DRC9: variants seen among roughly 807,000 people sequenced by gnomAD.
DRC9 encodes dynein regulatory complex protein 9.
the DRC9 span, among the ~76,000 whole-genome samples, chr3:197,909,830 C>G: frequency 1.3e-5 from 2 of 151,874 alleles, no homozygotes; most frequent in African/African-American, 4.8e-5. Context: ...CCATCTCTAC[C>G]AAAAATACAA....
the DRC9 span, among the ~76,000 whole-genome samples, chr3:197,902,187 C>T: frequency 2.4e-4 from 37 of 152,182 alleles, no homozygotes; most frequent in Admixed American, 2.0e-3. Context: ...TAATGAGGTA[C>T]GGCTTAGACC....
chr3:197,945,870 T>C, the DRC9 span, among the ~76,000 whole-genome samples: 3 of 152,224 alleles, frequency 2.0e-5, no homozygotes, highest in Non-Finnish European at 4.4e-5. Context: ...TGCAGGTCTA[T>C]GAAGAAGTCA....
chr3:197,958,652 C>T, the DRC9 span: 1 of 152,116 alleles, frequency 6.6e-6, no homozygotes, highest in Admixed American at 6.5e-5. Flanking sequence ...CTGAGCAAAG[C>T]GGGGGAAAAC....
At chr3:197,943,644 AAAAG>A in the DRC9 span, 5 of 885,154 alleles carry the variant, frequency 5.6e-6, no homozygotes, top group South Asian at 1.8e-5. Flanking sequence ...GTCAAAAAAA[AAAAG>A]AAAAGAAACA....
chr3:197,893,647 T>C, the DRC9 span, among the ~76,000 whole-genome samples: 1 of 148,572 alleles, frequency 6.7e-6, no homozygotes, highest in Non-Finnish European at 1.5e-5. Flanking sequence ...ATCGAGACCA[T>C]CCTGGCTAAC....
chr3:197,935,577 C>T, the DRC9 span, among the ~76,000 whole-genome samples: 8 of 152,068 alleles, frequency 5.3e-5, no homozygotes, highest in South Asian at 2.1e-4. Flanking sequence ...TCAACCTCCC[C>T]GGCTTGAGTG....
At chr3:197,891,616 C>A in the DRC9 span, 2 of 747,950 alleles carry the variant, frequency 2.7e-6, no homozygotes, top group Non-Finnish European at 4.4e-6. Flanking sequence ...GCCAGCCCTG[C>A]ACTTTTAATA....
chr3:197,930,586 A>G, the DRC9 span, among the ~76,000 whole-genome samples: 3 of 151,658 alleles, frequency 2.0e-5, no homozygotes, highest in African/African-American at 7.3e-5. Flanking sequence ...ACAAAAATAA[A>G]ACAATTAGCC....
At chr3:197,918,449 T>C in the DRC9 span, among the ~76,000 whole-genome samples, 5 of 152,094 alleles carry the variant, frequency 3.3e-5, no homozygotes, top group Admixed American at 3.3e-4. Context: ...AAAAATGTGA[T>C]GGTTTTACTT....
At chr3:197,950,594 G>A in the DRC9 span, 13 of 377,312 alleles carry the variant, frequency 3.4e-5, no homozygotes, top group Non-Finnish European at 5.3e-5. Flanking sequence ...TTGCATAAAA[G>A]TCTTACGTGT....
chr3:197,935,953 T>C, the DRC9 span, among the ~76,000 whole-genome samples: 1 of 152,018 alleles, frequency 6.6e-6, no homozygotes, highest in Admixed American at 6.6e-5. Flanking sequence ...CCAATTAAGA[T>C]GTTTAGATTT....
At chr3:197,892,682 A>G in the DRC9 span, 1 of 1,614,036 alleles carries the variant, frequency 6.2e-7, no homozygotes, top group Non-Finnish European at 8.5e-7. Context: ...TGGCTTTGAG[A>G]GCATTTAGTT....
At chr3:197,913,357 C>CGTGCGTGCGTGCGTGT in the DRC9 span, 3,893 of 224,154 alleles carry the variant, frequency 0.017, 167 homozygotes, top group African/African-American at 0.088. Context: ...TGTGTGCGTG[C>CGTGCGTGCGTGCGTGT]GTGCGTGTGT....
chr3:197,943,933 TGTCTGTTTCTTTA>T, the DRC9 span: 5 of 1,614,168 alleles, frequency 3.1e-6, no homozygotes, highest in Admixed American at 3.3e-5. Context: ...ATGATTTCTA[TGTCTGTTTCTTTA>T]GGTATTCCTT....
At chr3:197,910,583 G>A in the DRC9 span, among the ~76,000 whole-genome samples, 1 of 152,140 alleles carries the variant, frequency 6.6e-6, no homozygotes, top group African/African-American at 2.4e-5. Flanking sequence ...CCACACATTT[G>A]GAATCCTTGA....
At chr3:197,930,736 G>GAAA in the DRC9 span, among the ~76,000 whole-genome samples, 14 of 94,250 alleles carry the variant, frequency 1.5e-4, no homozygotes, top group African/African-American at 2.6e-4. Flanking sequence ...CTCAGTCTCA[G>GAAA]AAAAAAAAAA....
At chr3:197,938,843 C>A in the DRC9 span, 2 of 1,130,448 alleles carry the variant, frequency 1.8e-6, no homozygotes, top group Non-Finnish European at 2.6e-6. Context: ...AAGAAAGAGG[C>A]CTTTGTGTAC....
chr3:197,946,434 C>CAG, the DRC9 span, among the ~76,000 whole-genome samples: 1 of 72,622 alleles, frequency 1.4e-5, no homozygotes, highest in Admixed American at 1.6e-4. Flanking sequence ...GACTCCGTCT[C>CAG]AAAAAAAAAA....
the DRC9 span, chr3:197,913,080 C>T: frequency 8.0e-6 from 2 of 250,724 alleles, no homozygotes; most frequent in South Asian, 1.2e-4. Flanking sequence ...TTGACGTGGC[C>T]TTGAGCCACG....
Sources: gnomAD v4.1 joint callset for allele counts (sites outside exome capture counted in the v4.1 genomes callset) on GRCh38, gnomAD v4.1.1 for gene constraint, MANE v1.5 for transcripts, NCBI Gene and HGNC (gene_info 2026-07-23, HGNC 2026-07-21) for gene names.